Variants in VPS8 observed in about 807,000 individuals in gnomAD.
The protein encoded by VPS8 is VPS8 subunit of CORVET complex.
In VPS8, 129 loss-of-function variants were observed where a neutral mutation model predicts 216.4. That is an observed-to-expected ratio of 0.60 (90% CI 0.52 to 0.69). The LOEUF (loss-of-function observed/expected upper bound fraction) is 0.69. VPS8 is among the 30% of genes least tolerant of loss of function. The pLI is 0.00. For missense variants in VPS8, 1,531 were observed against 1,683.5 expected, an observed-to-expected ratio of 0.91 and a Z score of 1.59; for synonymous variants, 571 against 565.4, an observed-to-expected ratio of 1.01 and a Z score of -0.14.
chr3:184,893,379 T>C (rs1331931504), intron 22 of VPS8: 11 of 1,168,862 alleles, frequency 9.4e-6, no homozygotes, highest in South Asian at 1.5e-5. Flanking sequence ...ATAAAGAAAT[T>C]ACACATTTAG....
rs566298024 is a variant in VPS8 at position 184,835,111 on chromosome 3, A to T, written c.447+369A>T. ...TTTTCTCTTTTCATATGGAGAAATG[A>T]TTGATCAGAATCTTTTACAACTGAA... On this transcript the variant is annotated intron_variant, in intron 5 of 47. Transcript: ENST00000625842. Among the ~76,000 whole-genome samples the T allele has an allele frequency of 2.9e-4, 43 of 150,694 alleles. No homozygotes were observed. In the South Asian group the frequency reaches 8.6e-3, roughly 30 times the overall value.
At chr3:185,041,511 G>A (rs1036393399) in intron 46 of VPS8, among the ~76,000 whole-genome samples, 1 of 152,108 alleles carries the variant, frequency 6.6e-6, no homozygotes, top group Non-Finnish European at 1.5e-5. Context: ...CCGTCTTCTT[G>A]GATGTTGAGA....
At chr3:185,019,237 A>G (rs1756285153) in intron 45 of VPS8, among the ~76,000 whole-genome samples, 1 of 152,204 alleles carries the variant, frequency 6.6e-6, no homozygotes, top group East Asian at 1.9e-4. Flanking sequence ...TTCTCCAACC[A>G]TCACTCCGGC....
intron 25 of VPS8, among the ~76,000 whole-genome samples, chr3:184,907,394 T>G (rs1367965443): frequency 2.0e-5 from 3 of 152,198 alleles, no homozygotes. Context: ...GGAATTTCCT[T>G]GTGGGTAAAT....
chr3:185,051,936 G>A lies in VPS8; in HGVS notation c.4198G>A (p.Gly1400Ser). 1 of 1,613,526 alleles carries A rather than the reference G, an allele frequency of 6.2e-7. No homozygotes were observed. Among genetic ancestry groups the A allele is most frequent in the East Asian group, 2.2e-5 (1 of 44,852 alleles). ...RSSESYRPFSGSQSAPAFNSI... is the reference protein window; with the variant it reads ...RSSESYRPFSSSQSAPAFNSI... ...CAGCGAGAGCTATAGGCCATTCAGT[G>A]GCTCGCAGAGTGCTCCTGCTTTCAA... The change falls in exon 48 of 48, where the codon GGC becomes AGC. Residue 1400 changes from glycine (G) to serine (S), a missense_variant. Coordinates refer to ENST00000625842, the MANE Select transcript of VPS8 (RefSeq NM_001009921.3).
At chr3:185,043,422 C>T (rs1410416933) in intron 46 of VPS8, among the ~76,000 whole-genome samples, 1 of 152,114 alleles carries the variant, frequency 6.6e-6, no homozygotes, top group Non-Finnish European at 1.5e-5. Flanking sequence ...AAGAAAGAGC[C>T]TTGTAAGGTA....
chr3:184,949,186 A>G (rs1176024571), intron 36 of VPS8, among the ~76,000 whole-genome samples: 2 of 152,056 alleles, frequency 1.3e-5, no homozygotes, highest in African/African-American at 4.8e-5. Flanking sequence ...AGTCCCAGCT[A>G]CTTGGGAGGC....
intron 22 of VPS8, chr3:184,893,206 A>G: frequency 1.6e-6 from 2 of 1,234,228 alleles, no homozygotes; most frequent in Non-Finnish European, 1.0e-6. Flanking sequence ...AGTTGTAGCC[A>G]GTCTGTTTTC....
At chr3:184,995,185 C>T (rs1752456246) in intron 43 of VPS8, among the ~76,000 whole-genome samples, 1 of 152,186 alleles carries the variant, frequency 6.6e-6, no homozygotes, top group African/African-American at 2.4e-5. Context: ...TAAGAGCCAG[C>T]TTGGTGTACG....
rs1743042955 is a variant in VPS8, at chr3:184,943,111, AC to A, written c.3035+2869del. Among the ~76,000 whole-genome samples the A allele has an allele frequency of 2.0e-5, 3 of 152,176 alleles. No homozygotes were observed. In the South Asian group the frequency reaches 6.2e-4, roughly 31 times the overall value. On this transcript the variant is annotated intron_variant, in intron 36 of 47. Transcript: ENST00000625842. ...TCTTCAAGCTCTTTGCATTATAGGC[AC>A]ACTCAGATATAGAGTGTTCTTTATA...
At position 184,919,434 on chromosome 3, in the gene VPS8, C is replaced by A. The variant is rs531326094; in HGVS notation, c.2383-693C>A. On this transcript the variant is annotated intron_variant, in intron 28 of 47. Transcript: ENST00000625842. ...TTGATAGTGGACATAATCTCAATTT[C>A]TTCATATATACTATATGTACTAGGT... 6.6e-5 allele frequency among the ~76,000 whole-genome samples: 10 copies of A among 152,198 alleles called. No individual in the cohort carries two copies. In the South Asian group the frequency reaches 2.1e-3, roughly 32 times the overall value.
chr3:184,823,592 TTTATTATTA>T (rs199720067), intron 1 of VPS8, among the ~76,000 whole-genome samples: 3 of 152,072 alleles, frequency 2.0e-5, no homozygotes, highest in African/African-American at 7.2e-5. Context: ...CAAAATGATC[TTTATTATTA>T]TTATTATTAG....
chr3:184,944,485 C>T (rs1576931483), intron 36 of VPS8: 1 of 985,312 alleles, frequency 1.0e-6, no homozygotes, highest in Non-Finnish European at 1.2e-6. Flanking sequence ...GATGTGCTTA[C>T]ACCCAGCTGC....
At chr3:184,906,581 A>C (rs1428071238) in intron 25 of VPS8, among the ~76,000 whole-genome samples, 2 of 152,220 alleles carry the variant, frequency 1.3e-5, no homozygotes, top group Admixed American at 6.5e-5. Context: ...TTACTCAAAA[A>C]CCCAATGAGG....
In VPS8 at chr3:184,994,106, A is replaced by G. The variant is rs775999648; in HGVS notation, c.3666+43A>G. 9.4e-6 allele frequency: 13 copies of G among 1,386,816 alleles called. 1 individual carries two copies. In the Admixed American group the frequency reaches 2.3e-4, roughly 24 times the overall value. 85.9% of individuals were successfully genotyped at this position (1,386,816 alleles called of 1,614,324 possible). ...TACATCTAAGTCTGTCCTAAGGTAG[A>G]AAAATGCTATTTTTTTTAATTTTGT... On this transcript the variant is annotated intron_variant, in intron 43 of 47. Transcript: ENST00000625842.
chr3:184,848,782 T>C (rs1232468544), intron 8 of VPS8, among the ~76,000 whole-genome samples: 1 of 152,082 alleles, frequency 6.6e-6, no homozygotes, highest in East Asian at 1.9e-4. Flanking sequence ...TTGGCCAGCC[T>C]GGTCTCGAAC....
At chr3:184,859,853 C>T in intron 14 of VPS8, 132 bp from the exon 15 acceptor site, 1 of 568,260 alleles carries the variant, frequency 1.8e-6, no homozygotes, top group Non-Finnish European at 3.1e-6. Context: ...GTGTAATTAT[C>T]AGTATTTTTG....
intron 21 of VPS8, among the ~76,000 whole-genome samples, chr3:184,877,844 A>G (rs1333155336): frequency 6.6e-6 from 1 of 152,214 alleles, no homozygotes; most frequent in Admixed American, 6.5e-5. Context: ...ATATATGAAA[A>G]AGAAAATACA....
At chr3:184,876,956 G>C (rs1729381153) in intron 21 of VPS8, among the ~76,000 whole-genome samples, 1 of 152,092 alleles carries the variant, frequency 6.6e-6, no homozygotes, top group African/African-American at 2.4e-5. Context: ...ACTTCCTATT[G>C]TTTCTGAGGT....
Sources: allele counts gnomAD v4.1 joint callset (sites outside exome capture counted in the v4.1 genomes callset), GRCh38; gene constraint gnomAD v4.1.1; transcripts MANE v1.5; gene names NCBI Gene and HGNC (gene_info 2026-07-23, HGNC 2026-07-21).